Variants in HERC3 observed in about 807,000 individuals in gnomAD.
HERC3 encodes the protein HECT and RLD domain containing E3 ubiquitin protein ligase 3.
Under a neutral mutation model 129.9 loss-of-function variants are expected in HERC3, and 58 were observed. The observed-to-expected ratio is 0.45, with a 90% CI of 0.36 to 0.56. HERC3 has a LOEUF of 0.56. Ranked by LOEUF, HERC3 falls within the 20% of genes least tolerant of loss-of-function variation. The probability of loss-of-function intolerance (pLI) is 0.00; values close to 1 mark genes in which losing one functional copy is unlikely to be tolerated. For missense variants in HERC3, 835 were observed against 1,244.2 expected, an observed-to-expected ratio of 0.67 and a Z score of 4.95; for synonymous variants, 430 against 451.0, an observed-to-expected ratio of 0.95 and a Z score of 0.59.
At chr4:88,688,831 G>A (rs1322016242) in intron 23 of HERC3, among the ~76,000 whole-genome samples, 1 of 152,134 alleles carries the variant, frequency 6.6e-6, no homozygotes, top group Non-Finnish European at 1.5e-5. Flanking sequence ...CAAGGAAAAC[G>A]TAATTTCTTA....
chr4:88,585,295 G>T, the HERC3 span, among the ~76,000 whole-genome samples: 29 of 152,274 alleles, frequency 1.9e-4, no homozygotes, highest in East Asian at 5.6e-3. Flanking sequence ...ACCACAGCAG[G>T]TTACAAAAGT....
the HERC3 span, among the ~76,000 whole-genome samples, chr4:88,584,259 A>G: frequency 1.3e-5 from 2 of 152,182 alleles, no homozygotes; most frequent in African/African-American, 2.4e-5. Context: ...CAACAACCCT[A>G]TTTCCAAATA....
Position 88,669,909 on chromosome 4 carries a change from C to T in HERC3, c.1683C>T (p.Asn561=), listed in dbSNP as rs142021147. 1.3e-4 allele frequency: 217 copies of T among 1,613,380 alleles called. No homozygotes were observed. The highest frequency in any genetic ancestry group is 1.6e-4 in the Non-Finnish European group (193 of 1,179,580). ...CGAAATATTTCATGAAGCTGGTAAACCTCTATAAAGGTGCAGTCCTTTATC... is the reference window on the plus strand; with the variant it reads ...CGAAATATTTCATGAAGCTGGTAAATCTCTATAAAGGTGCAGTCCTTTATC... ...VCPKYFMKLV[N]LYKGAVLYLL... The change falls in exon 15 of 26, where the codon AAC becomes AAT. Residue 561 remains asparagine (N), a synonymous_variant. Transcript: ENST00000402738.
At chr4:88,645,530 G>A (rs1454790783) in intron 3 of HERC3, among the ~76,000 whole-genome samples, 1 of 151,856 alleles carries the variant, frequency 6.6e-6, no homozygotes, top group Non-Finnish European at 1.5e-5. Context: ...TTATCTGCAG[G>A]GGATGTGTTC....
intron 7 of HERC3, among the ~76,000 whole-genome samples, chr4:88,654,718 C>T (rs1404352979): frequency 5.3e-5 from 8 of 151,584 alleles, no homozygotes; most frequent in African/African-American, 1.9e-4. Context: ...TTATATTGAA[C>T]AAATATTATT....
At chr4:88,614,032 A>G (rs953451352) in intron 3 of HERC3, among the ~76,000 whole-genome samples, 2 of 152,178 alleles carry the variant, frequency 1.3e-5, no homozygotes, top group African/African-American at 4.8e-5. Flanking sequence ...TGTACTTATT[A>G]ATGAGCATAC....
the HERC3 span, chr4:88,524,979 A>G: frequency 6.6e-6 from 1 of 151,958 alleles, no homozygotes; most frequent in Non-Finnish European, 1.5e-5. Context: ...AAATGTTTAT[A>G]TGTTCATCCT....
At chr4:88,639,497 C>A (rs1727832247) in intron 3 of HERC3, among the ~76,000 whole-genome samples, 1 of 152,182 alleles carries the variant, frequency 6.6e-6, no homozygotes, top group African/African-American at 2.4e-5. Flanking sequence ...AAAGGATTTT[C>A]TATTTAATAA....
At chr4:88,617,166 C>A (rs1367819399) in intron 3 of HERC3, among the ~76,000 whole-genome samples, 1 of 138,504 alleles carries the variant, frequency 7.2e-6, no homozygotes, top group Non-Finnish European at 1.5e-5. Flanking sequence ...TATAGTAAGA[C>A]CCTGTCTCCA....
intron 3 of HERC3, among the ~76,000 whole-genome samples, chr4:88,640,158 A>G (rs746682445): frequency 1.4e-4 from 22 of 152,336 alleles, no homozygotes; most frequent in Non-Finnish European, 2.9e-4. Flanking sequence ...TTATTGTGGA[A>G]GACATTATGG....
Position 88,686,769 on chromosome 4 carries a change from G to A in HERC3, c.2541G>A (p.Glu847=). 1.2e-6 allele frequency: 2 copies of A among 1,611,976 alleles called. No individual in the cohort carries two copies. The highest frequency in any genetic ancestry group is 1.7e-4 in the Middle Eastern group (1 of 6,058). The change falls in exon 22 of 26, where the codon GAG becomes GAA. Residue 847 remains glutamate (E), a synonymous_variant. Transcript: ENST00000402738. ...AAGAGCTTTTAGATTACCCCGGGGA[G>A]GATGTGGAGGAGACTTTCTGCCTCA... is the stretch of plus-strand genomic sequence containing the variant. ...SLQELLDYPG[E]DVEETFCLNF...
the HERC3 span, among the ~76,000 whole-genome samples, chr4:88,565,395 G>T: frequency 6.6e-6 from 1 of 151,968 alleles, no homozygotes; most frequent in East Asian, 1.9e-4. Flanking sequence ...AATAATGTTT[G>T]CTTTATATAC....
chr4:88,555,055 G>C, the HERC3 span, among the ~76,000 whole-genome samples: 1 of 152,084 alleles, frequency 6.6e-6, no homozygotes, highest in Non-Finnish European at 1.5e-5. Context: ...GGAGGCCAAG[G>C]CAGGCAGATC....
upstream of HERC3, among the ~76,000 whole-genome samples, chr4:88,590,976 G>A (rs1721672295): frequency 1.3e-5 from 2 of 149,574 alleles, no homozygotes; most frequent in South Asian, 2.1e-4. Context: ...TGCAACCTCC[G>A]CCTTCCAGGT....
chr4:88,545,430 C>CCTTTT, the HERC3 span, among the ~76,000 whole-genome samples: 47 of 110,392 alleles, frequency 4.3e-4, 2 homozygotes, highest in East Asian at 2.1e-3. Flanking sequence ...TTTGAGAATT[C>CCTTTT]TTTTTTTTTT....
intron 3 of HERC3, among the ~76,000 whole-genome samples, chr4:88,641,773 T>C (rs1009951582): frequency 4.6e-5 from 7 of 152,096 alleles, no homozygotes; most frequent in South Asian, 2.1e-4. Flanking sequence ...ATAATCTAAA[T>C]AGGTTATCTA....
chr4:88,672,160 A>T (rs959623738), intron 16 of HERC3, among the ~76,000 whole-genome samples: 13 of 152,236 alleles, frequency 8.5e-5, no homozygotes, highest in African/African-American at 3.1e-4. Flanking sequence ...TGCTGAATAA[A>T]ATAAGTCTAA....
chr4:88,591,777 A>G (rs999531528), upstream of HERC3, among the ~76,000 whole-genome samples: 8 of 152,194 alleles, frequency 5.3e-5, no homozygotes, highest in African/African-American at 1.4e-4. Context: ...TACTGGGTAT[A>G]GGCCACAGAG....
chr4:88,560,105 G>A, the HERC3 span, among the ~76,000 whole-genome samples: 11 of 152,012 alleles, frequency 7.2e-5, no homozygotes, highest in East Asian at 9.7e-4. Flanking sequence ...GACTATAGGC[G>A]CACACCACCA....
Sources: allele counts gnomAD v4.1 joint callset (sites outside exome capture counted in the v4.1 genomes callset), GRCh38; gene constraint gnomAD v4.1.1; transcripts MANE v1.5; gene names NCBI Gene and HGNC (gene_info 2026-07-23, HGNC 2026-07-21).